Variants in FNDC1 observed in about 807,000 individuals in gnomAD.
FNDC1 encodes fibronectin type III domain containing 1, also known as fibronectin type III domain-containing protein 1.
FNDC1 carries 96 observed loss-of-function variants against 168.0 expected under a neutral mutation model. That is an observed-to-expected ratio of 0.57 (90% CI 0.48 to 0.68). The LOEUF (loss-of-function observed/expected upper bound fraction) is 0.68, where lower values mean the gene tolerates loss of function less well. FNDC1 is among the 30% of genes least tolerant of loss of function. FNDC1 has a pLI of 0.00. For missense variants in FNDC1, 2,587 were observed against 2,482.1 expected (o/e 1.04, Z -0.90); for synonymous variants, 1,099 against 1,025.9 (o/e 1.07, Z -1.36).
intron 22 of FNDC1, among the ~76,000 whole-genome samples, chr6:159,269,304 C>T (rs1177078053): frequency 0.023 from 2,441 of 106,168 alleles, 498 homozygotes; most frequent in Middle Eastern, 0.047. Flanking sequence ...ATCCATCCAT[C>T]TATCCTATCT....
intron 5 of FNDC1, among the ~76,000 whole-genome samples, chr6:159,220,098 T>C (rs551486311): frequency 2.6e-5 from 4 of 152,340 alleles, no homozygotes; most frequent in African/African-American, 9.6e-5. Context: ...AATTTACTCA[T>C]TTATGGCTAG....
chr6:159,170,053 A>C, intron 1 of FNDC1: 1 of 154,592 alleles, frequency 6.5e-6, no homozygotes, highest in Non-Finnish European at 1.4e-5. Context: ...TTTGCCCAGA[A>C]TTTCTCGGGA....
chr6:159,174,745 G>A (rs1301409350), intron 1 of FNDC1, among the ~76,000 whole-genome samples: 1 of 152,220 alleles, frequency 6.6e-6, no homozygotes, highest in African/African-American at 2.4e-5. Flanking sequence ...TGCAGCTGGG[G>A]TCAGAAGCCC....
At chr6:159,216,086 C>T (rs145416241) in intron 5 of FNDC1, among the ~76,000 whole-genome samples, 2,171 of 152,178 alleles carry the variant, frequency 0.014, 53 homozygotes, top group African/African-American at 0.05. Flanking sequence ...CTCAGCCTCC[C>T]GAGTAGCTGG....
rs1562304601 is a variant in FNDC1 at position 159,239,713 on chromosome 6, C to T, written c.4377C>T (p.Pro1459=). Residue 1459 remains proline (P), a synonymous_variant, in exon 14 of 23, where the codon CCC becomes CCT. Transcript: ENST00000297267. ...TGCAGCCCACCACTACTACGACGCC[C>T]CTGCCTACCACTACAACCCCGAGGC... ...TTMQPTTTTT[P]LPTTTTPRPT... is the part of the protein sequence containing the mutation. 1 of 1,549,168 alleles carries T rather than the reference C, an allele frequency of 6.5e-7. No homozygotes were observed.
chr6:159,244,248 T>C (rs1199279990), intron 14 of FNDC1, among the ~76,000 whole-genome samples: 1 of 152,256 alleles, frequency 6.6e-6, no homozygotes, highest in East Asian at 1.9e-4. Context: ...TGAAAACTGA[T>C]TTGAATAAGC....
chr6:159,170,169 C>G (rs948839336), intron 1 of FNDC1, among the ~76,000 whole-genome samples: 1 of 152,074 alleles, frequency 6.6e-6, no homozygotes, highest in African/African-American at 2.4e-5. Flanking sequence ...TCTAGAAGGT[C>G]GTGGGGGAAA....
At chr6:159,203,291 A>G (rs1375180055) in intron 4 of FNDC1, among the ~76,000 whole-genome samples, 2 of 152,200 alleles carry the variant, frequency 1.3e-5, no homozygotes, top group Non-Finnish European at 2.9e-5. Flanking sequence ...GCAGTACTGT[A>G]ATATAGAATA....
intron 14 of FNDC1, among the ~76,000 whole-genome samples, chr6:159,243,581 C>T (rs1000315797): frequency 2.6e-5 from 4 of 152,204 alleles, no homozygotes; most frequent in East Asian, 1.9e-4. Flanking sequence ...ATAAACAAAA[C>T]GACTATGGTT....
intron 1 of FNDC1, among the ~76,000 whole-genome samples, chr6:159,187,271 G>T (rs1782023233): frequency 6.6e-6 from 1 of 152,174 alleles, no homozygotes; most frequent in Admixed American, 6.5e-5. Context: ...TAGTCTGTAG[G>T]ACACGATCTG....
chr6:159,271,376 C>T lies in FNDC1; in HGVS notation c.5619C>T (p.Gly1873=), dbSNP rs773087822. 7 of 1,612,720 alleles carry T rather than the reference C, an allele frequency of 4.3e-6. No homozygotes were observed. The South Asian group carries it at 5.5e-5, about 13-fold the overall frequency. ...AGCCTGTCAGGTTTGGGAACATCGG[C>T]TTCGGAACCCCCTACTACTATGTGG... is the stretch of plus-strand genomic sequence containing the variant. ...RQEPVRFGNI[G]FGTPYYYVGW... The change falls in exon 23 of 23, where the codon GGC becomes GGT. Residue 1873 remains glycine (G), a synonymous_variant. Coordinates refer to ENST00000297267, the MANE Select transcript of FNDC1 (RefSeq NM_032532.3).
chr6:159,241,789 G>C (rs929497169), intron 14 of FNDC1, among the ~76,000 whole-genome samples: 14 of 152,104 alleles, frequency 9.2e-5, no homozygotes, highest in Non-Finnish European at 1.5e-4. Flanking sequence ...TGTATGCATA[G>C]AAAAAGTTCT....
At chr6:159,230,986 A>T (rs551159180) in intron 10 of FNDC1, among the ~76,000 whole-genome samples, 1 of 152,244 alleles carries the variant, frequency 6.6e-6, no homozygotes, top group East Asian at 1.9e-4. Context: ...TTTTAGAATT[A>T]TAAATGTGTC....
intron 19 of FNDC1, among the ~76,000 whole-genome samples, chr6:159,263,648 GCTA>G (rs200565719): frequency 0.01 from 1,557 of 152,228 alleles, 24 homozygotes; most frequent in African/African-American, 0.036. Flanking sequence ...TGTAGTCCCA[GCTA>G]CTCGGGAGAC....
chr6:159,257,315 G>A (rs1293894715), intron 18 of FNDC1, among the ~76,000 whole-genome samples: 3 of 152,182 alleles, frequency 2.0e-5, no homozygotes, highest in Admixed American at 2.0e-4. Flanking sequence ...TGGTGTGCTG[G>A]TAAACTGGCT....
chr6:159,233,443 C>G lies in FNDC1; in HGVS notation c.2931C>G (p.Ser977=). ...CAGGGTCCACAGACCGCCACGCGTC[C>G]CCTGCTCGTCCGCCCGCAGCACGGT... ...AQPGSTDRHA[S]PARPPAARSQ... Residue 977 remains serine (S), a synonymous_variant, in exon 11 of 23, where the codon TCC becomes TCG. Transcript: ENST00000297267. The surrounding 1 kb of genome is among the most constrained non-coding windows in gnomAD (Gnocchi z 4.6). The G allele has an allele frequency of 1.2e-6, 2 of 1,609,586 alleles. No individual in the cohort carries two copies. The highest frequency in any genetic ancestry group is 1.7e-6 in the Non-Finnish European group (2 of 1,178,954).
Position 159,232,878 on chromosome 6 carries a change from A to T in FNDC1, c.2366A>T (p.His789Leu). ...GCGGAGGCTTCTGATGGTGAAAGCC[A>T]CGGTGACGGCGATAGGGAAGACGGC... is the stretch of plus-strand genomic sequence containing the variant. Reference protein sequence around the residue: ...EGAEASDGESHGDGDREDGGR... With the variant: ...EGAEASDGESLGDGDREDGGR... The change falls in exon 11 of 23, where the codon CAC becomes CTC. Residue 789 changes from histidine (H) to leucine (L), a missense_variant. Coordinates refer to ENST00000297267, the MANE Select transcript of FNDC1 (RefSeq NM_032532.3). The surrounding 1 kb of genome is among the most constrained non-coding windows in gnomAD (Gnocchi z 4.9). The T allele has an allele frequency of 6.2e-7, 1 of 1,613,488 alleles. No homozygotes were observed. The highest frequency in any genetic ancestry group is 8.5e-7 in the Non-Finnish European group (1 of 1,179,864).
At chr6:159,260,241 A>G (rs1207540638) in intron 18 of FNDC1, among the ~76,000 whole-genome samples, 1 of 152,252 alleles carries the variant, frequency 6.6e-6, no homozygotes, top group Non-Finnish European at 1.5e-5. Flanking sequence ...AAATATCTAG[A>G]ATCAAGAGGT....
At chr6:159,229,479 A>G (rs1471730813) in intron 9 of FNDC1, among the ~76,000 whole-genome samples, 1 of 152,244 alleles carries the variant, frequency 6.6e-6, no homozygotes, top group Non-Finnish European at 1.5e-5. Flanking sequence ...CATATCAATC[A>G]TAGCAAATTA....
Sources: gnomAD v4.1 joint callset for allele counts (sites outside exome capture counted in the v4.1 genomes callset) on GRCh38, gnomAD v4.1.1 for gene constraint, Gnocchi (gnomAD v3.1) non-coding constraint, MANE v1.5 for transcripts, NCBI Gene and HGNC (gene_info 2026-07-23, HGNC 2026-07-21) for gene names.